Variants in MND1 observed in about 807,000 individuals in gnomAD.
The protein encoded by MND1 is meiotic nuclear divisions 1, also known as meiotic nuclear division protein 1 homolog.
Under a neutral mutation model 35.1 loss-of-function variants are expected in MND1, and 28 were observed. That is an observed-to-expected ratio of 0.80 (90% CI 0.59 to 1.09). MND1 has a LOEUF of 1.09. Among genes scored for constraint, MND1 ranks in the 50% least tolerant of loss-of-function variants. The pLI is 0.00. For synonymous variants in MND1, 69 were observed against 70.5 expected (o/e 0.98, Z 0.11); for missense variants, 213 against 239.6 (o/e 0.89, Z 0.73).
chr4:153,360,764 CAT>C (rs886532106), intron 4 of MND1, among the ~76,000 whole-genome samples: 6 of 137,500 alleles, frequency 4.4e-5, no homozygotes, highest in Admixed American at 2.9e-4. Flanking sequence ...TATATACACA[CAT>C]ATACATATAC....
chr4:153,350,091 G>A lies in MND1; in HGVS notation c.31G>A (p.Glu11Lys). ...AAAGAAAAAAGGACTGAGTGCAGAA[G>A]AAAAGAGAACTCGCATGATGGAAAT... MSKKKGLSAE[E>K]KRTRMMEIFS... is the part of the protein sequence containing the mutation. The change falls in exon 2 of 8, where the codon GAA becomes AAA. Residue 11 changes from glutamate (E) to lysine (K), a missense_variant. Glu to Lys is a moderately conservative substitution (Grantham distance 56, BLOSUM62 1). Coordinates refer to ENST00000240488, the MANE Select transcript of MND1 (RefSeq NM_032117.4). The A allele has an allele frequency of 5.6e-6, 9 of 1,607,086 alleles. No individual in the cohort carries two copies. Among genetic ancestry groups the A allele is most frequent in the Non-Finnish European group, 7.6e-6 (9 of 1,176,972 alleles).
chr4:153,359,218 C>T lies in MND1; in HGVS notation c.276+596C>T, dbSNP rs577843478. 1.6e-3 allele frequency among the ~76,000 whole-genome samples: 248 copies of T among 152,292 alleles called. 1 individual carries two copies. The highest frequency in any genetic ancestry group is 5.3e-3 in the African/African-American group (221 of 41,574). On this transcript the variant is annotated intron_variant, in intron 4 of 7. Coordinates refer to ENST00000240488, the MANE Select transcript of MND1 (RefSeq NM_032117.4). ...GTTCATCCCTCTCTTCTCCCGAAAC[C>T]GTAGCAACCACTGATCTTTTTACTG...
At chr4:153,358,826 T>C (rs952830123) in intron 4 of MND1, among the ~76,000 whole-genome samples, 3 of 152,224 alleles carry the variant, frequency 2.0e-5, no homozygotes, top group African/African-American at 4.8e-5. Flanking sequence ...TGTCAAGATA[T>C]TGTTTTTGTT....
chr4:153,395,398 C>A (rs1036689326), intron 5 of MND1, among the ~76,000 whole-genome samples: 22 of 152,120 alleles, frequency 1.4e-4, no homozygotes, highest in African/African-American at 5.3e-4. Context: ...GTGCATCTTG[C>A]GGGGAAAAAC....
chr4:153,386,587 A>AC (rs1283187857), intron 4 of MND1, among the ~76,000 whole-genome samples: 1 of 151,898 alleles, frequency 6.6e-6, no homozygotes, highest in Non-Finnish European at 1.5e-5. Context: ...GTGGTGGCAT[A>AC]CCCCTGTAAT....
chr4:153,405,145 T>C (rs534564489), intron 6 of MND1, among the ~76,000 whole-genome samples: 1 of 152,256 alleles, frequency 6.6e-6, no homozygotes, highest in Non-Finnish European at 1.5e-5. Flanking sequence ...TGATCTTAAG[T>C]TTCATATGGA....
chr4:153,351,329 GC>G (rs1242635858), intron 2 of MND1, among the ~76,000 whole-genome samples: 1 of 152,160 alleles, frequency 6.6e-6, no homozygotes, highest in Non-Finnish European at 1.5e-5. Flanking sequence ...CTGAGGATCA[GC>G]AGTTTAAGGA....
At chr4:153,391,778 A>T (rs1310989974) in intron 4 of MND1, among the ~76,000 whole-genome samples, 2 of 149,510 alleles carry the variant, frequency 1.3e-5, no homozygotes, top group Non-Finnish European at 3.0e-5. Context: ...CACACAGCAG[A>T]TTTTTTTTTT....
chr4:153,392,672 A>G (rs973694832), intron 4 of MND1, among the ~76,000 whole-genome samples: 19 of 152,222 alleles, frequency 1.2e-4, no homozygotes, highest in African/African-American at 4.6e-4. Context: ...ACACTCTGAA[A>G]TTAACCAGTC....
In MND1 at chr4:153,384,499, G is replaced by A. The variant is rs913288037; in HGVS notation, c.277-9763G>A. On this transcript the variant is annotated intron_variant, in intron 4 of 7. Transcript: ENST00000240488. ...TCAGAGATAGGGTCTTGCTCTCCTG[G>A]CCAGGCTGGTCTCAAACTCCTGGCC... is the stretch of plus-strand genomic sequence containing the variant. Among the ~76,000 whole-genome samples, 5 of 130,560 alleles carry A rather than the reference G, an allele frequency of 3.8e-5. No individual in the cohort carries two copies. In the Admixed American group the frequency reaches 4.6e-4, roughly 12 times the overall value. The allele number at this position is 130,560 out of a possible 152,430, so 85.7% of individuals were successfully genotyped here.
At chr4:153,398,234 G>A (rs1327050906) in intron 6 of MND1, among the ~76,000 whole-genome samples, 1 of 152,022 alleles carries the variant, frequency 6.6e-6, no homozygotes, top group African/African-American at 2.4e-5. Flanking sequence ...GCATTTAATT[G>A]TTTGGGAAAA....
intron 1 of MND1, among the ~76,000 whole-genome samples, chr4:153,348,501 G>A (rs1402359109): frequency 6.6e-6 from 1 of 152,158 alleles, no homozygotes; most frequent in African/African-American, 2.4e-5. Context: ...ATTAGGAGAT[G>A]GGATCAGTAG....
chr4:153,353,076 G>A (rs751929975), intron 2 of MND1, among the ~76,000 whole-genome samples: 3 of 152,006 alleles, frequency 2.0e-5, no homozygotes, highest in Non-Finnish European at 4.4e-5. Context: ...GGAATTTAAA[G>A]TATTTGCAAA....
intron 4 of MND1, among the ~76,000 whole-genome samples, chr4:153,385,343 T>C (rs1213540782): frequency 1.3e-5 from 2 of 152,198 alleles, no homozygotes; most frequent in African/African-American, 2.4e-5. Flanking sequence ...AGTTAAAATA[T>C]TTACTGTGTT....
chr4:153,373,069 T>A (rs1008472118), intron 4 of MND1, among the ~76,000 whole-genome samples: 6 of 152,034 alleles, frequency 3.9e-5, no homozygotes, highest in Non-Finnish European at 8.8e-5. Flanking sequence ...TTACTTTTAA[T>A]CTTTTTGTAT....
intron 5 of MND1, 32 bp from the exon 6 acceptor site, chr4:153,397,187 C>T (rs1729218527): frequency 2.0e-6 from 3 of 1,498,682 alleles, no homozygotes; most frequent in Non-Finnish European, 1.8e-6. Flanking sequence ...TTTTGTTTGT[C>T]TTAATTGAAC....
intron 7 of MND1, among the ~76,000 whole-genome samples, chr4:153,411,007 T>C (rs542977136): frequency 2.0e-5 from 3 of 152,216 alleles, no homozygotes; most frequent in African/African-American, 7.2e-5. Context: ...AAAAAAGTCC[T>C]TAAAAATGTA....
chr4:153,391,646 G>A (rs768270162), intron 4 of MND1, among the ~76,000 whole-genome samples: 1 of 151,586 alleles, frequency 6.6e-6, no homozygotes, highest in East Asian at 2.0e-4. Flanking sequence ...AGAATCGCTC[G>A]AACCTGGGAG....
Position 153,358,564 on chromosome 4 carries a change from C to T in MND1, c.218C>T (p.Ala73Val), listed in dbSNP as rs1271858473. The T allele has an allele frequency of 1.9e-6, 3 of 1,613,508 alleles. No homozygotes were observed. The Admixed American group carries it at 5.0e-5, about 27-fold the overall frequency. The change falls in exon 4 of 8, where the codon GCT (alanine) becomes GTT (valine). Residue 73 changes from alanine to valine, a missense_variant. Ala to Val is a moderately conservative substitution (Grantham distance 64). Coordinates refer to ENST00000240488, the MANE Select transcript of MND1 (RefSeq NM_032117.4). ...ERIGTSNYYWAFPSKALHARK... is the reference protein window; with the variant it reads ...ERIGTSNYYWVFPSKALHARK... ...ATCGGAACTTCTAATTATTATTGGG[C>T]TTTTCCAAGTAAAGCTCTTCATGCA... is the stretch of plus-strand genomic sequence containing the variant.
Sources: allele counts gnomAD v4.1 joint callset (sites outside exome capture counted in the v4.1 genomes callset), GRCh38; gene constraint gnomAD v4.1.1; transcripts MANE v1.5; gene names NCBI Gene and HGNC (gene_info 2026-07-23, HGNC 2026-07-21).